ABTB3: variants seen among roughly 807,000 people sequenced by gnomAD.
The protein encoded by ABTB3 is ankyrin repeat- and BTB/POZ domain-containing protein 3.
chr12:107,619,996 G>T, the ABTB3 span: 2 of 1,612,704 alleles, frequency 1.2e-6, no homozygotes, highest in Non-Finnish European at 8.5e-7. Flanking sequence ...GCGTCCCGTG[G>T]ACTCTGCACA....
At chr12:107,392,756 T>A in the ABTB3 span, among the ~76,000 whole-genome samples, 15 of 152,316 alleles carry the variant, frequency 9.8e-5, no homozygotes, top group Admixed American at 2.0e-4. Context: ...GGAAATCACA[T>A]CCATTGCTGA....
chr12:107,374,674 G>C, the ABTB3 span: 4 of 152,264 alleles, frequency 2.6e-5, no homozygotes, highest in Admixed American at 6.5e-5. Flanking sequence ...ACGGCTTCAA[G>C]CTAGTGACTT....
the ABTB3 span, among the ~76,000 whole-genome samples, chr12:107,512,140 C>A: frequency 6.6e-6 from 1 of 152,060 alleles, no homozygotes. Flanking sequence ...TAAATCCCCC[C>A]AAAAATGACT....
At chr12:107,620,194 T>C in the ABTB3 span, 1 of 1,609,846 alleles carries the variant, frequency 6.2e-7, no homozygotes, top group Non-Finnish European at 8.5e-7. Context: ...GTTGTGGTCA[T>C]CGGCAGAGAA....
At chr12:107,561,725 C>T in the ABTB3 span, among the ~76,000 whole-genome samples, 1 of 152,232 alleles carries the variant, frequency 6.6e-6, no homozygotes, top group South Asian at 2.1e-4. Context: ...GCTCCATAAA[C>T]CGCTCTCCCC....
the ABTB3 span, chr12:107,658,229 A>C: frequency 0.026 from 4,095 of 155,056 alleles, 72 homozygotes; most frequent in African/African-American, 0.036. Flanking sequence ...ATTTAAAAAA[A>C]AACAAAAACA....
the ABTB3 span, among the ~76,000 whole-genome samples, chr12:107,572,449 C>A: frequency 6.6e-6 from 1 of 152,130 alleles, no homozygotes; most frequent in Non-Finnish European, 1.5e-5. Flanking sequence ...GAAACTAACA[C>A]ACCAAGCAAA....
chr12:107,498,357 G>A, the ABTB3 span, among the ~76,000 whole-genome samples: 1 of 152,082 alleles, frequency 6.6e-6, no homozygotes, highest in Non-Finnish European at 1.5e-5. Context: ...ACACCATCAG[G>A]CCCCCCAGCA....
the ABTB3 span, among the ~76,000 whole-genome samples, chr12:107,623,358 C>G: frequency 1.4e-5 from 1 of 69,624 alleles, no homozygotes; most frequent in Non-Finnish European, 2.7e-5. Context: ...CACGCCTGGC[C>G]TTTTTTTTTT....
At chr12:107,357,979 C>T in the ABTB3 span, among the ~76,000 whole-genome samples, 1 of 152,164 alleles carries the variant, frequency 6.6e-6, no homozygotes, top group Admixed American at 6.5e-5. Context: ...TTCCTTCCTC[C>T]TCCTTTCTTT....
chr12:107,531,121 G>T, the ABTB3 span, among the ~76,000 whole-genome samples: 3 of 152,202 alleles, frequency 2.0e-5, no homozygotes, highest in South Asian at 2.1e-4. Flanking sequence ...CTTTGGCACT[G>T]TTGTCATTTT....
At chr12:107,533,893 C>T in the ABTB3 span, among the ~76,000 whole-genome samples, 1 of 152,158 alleles carries the variant, frequency 6.6e-6, no homozygotes, top group South Asian at 2.1e-4. Flanking sequence ...CAAGTCTTGA[C>T]AAATTTTTAA....
the ABTB3 span, among the ~76,000 whole-genome samples, chr12:107,603,648 T>G: frequency 1.3e-5 from 2 of 152,188 alleles, no homozygotes; most frequent in African/African-American, 4.8e-5. Flanking sequence ...TGGGCAATGA[T>G]TTTTTTGGTG....
chr12:107,562,151 A>G, the ABTB3 span, among the ~76,000 whole-genome samples: 1 of 152,214 alleles, frequency 6.6e-6, no homozygotes, highest in Non-Finnish European at 1.5e-5. Context: ...TTCAACATAT[A>G]TTTATAGAGC....
the ABTB3 span, among the ~76,000 whole-genome samples, chr12:107,379,586 C>T: frequency 6.6e-6 from 1 of 152,160 alleles, no homozygotes; most frequent in South Asian, 2.1e-4. Flanking sequence ...ATTACCCAGT[C>T]TCAGGTATTT....
At chr12:107,341,085 G>T in the ABTB3 span, among the ~76,000 whole-genome samples, 1 of 152,190 alleles carries the variant, frequency 6.6e-6, no homozygotes, top group Non-Finnish European at 1.5e-5. Flanking sequence ...CAGGTTGCTG[G>T]GAGCTCTATG....
chr12:107,477,095 G>A, the ABTB3 span, among the ~76,000 whole-genome samples: 1 of 152,228 alleles, frequency 6.6e-6, no homozygotes, highest in East Asian at 1.9e-4. Context: ...TCTGTGCCCT[G>A]TGTCTGAAAA....
the ABTB3 span, among the ~76,000 whole-genome samples, chr12:107,594,370 T>C: frequency 6.6e-6 from 1 of 152,196 alleles, no homozygotes; most frequent in Non-Finnish European, 1.5e-5. Flanking sequence ...GAGGAGGACT[T>C]AGAATCACTT....
the ABTB3 span, among the ~76,000 whole-genome samples, chr12:107,558,822 G>T: frequency 6.6e-6 from 1 of 152,220 alleles, no homozygotes; most frequent in Non-Finnish European, 1.5e-5. Context: ...TTTAACAGAT[G>T]AGAAGAGTGA....
Sources: allele counts gnomAD v4.1 joint callset (sites outside exome capture counted in the v4.1 genomes callset), GRCh38; gene constraint gnomAD v4.1.1; transcripts MANE v1.5; gene names NCBI Gene and HGNC (gene_info 2026-07-23, HGNC 2026-07-21).